The following TEX9 variants were observed in gnomAD, a reference collection of about 807,000 sequenced individuals.
TEX9 encodes the protein testis expressed 9, also known as testis-expressed protein 9.
In TEX9, 74 loss-of-function variants were observed where a neutral mutation model predicts 59.6. That is an observed-to-expected ratio of 1.24 (90% CI 1.03 to 1.51). The LOEUF is 1.51. TEX9 is among the 40% of genes most tolerant of loss of function. The pLI, the probability that TEX9 is intolerant of heterozygous loss-of-function variation, is 0.00. For missense variants in TEX9, 522 were observed against 447.8 expected (o/e 1.17, Z -1.49); for synonymous variants, 186 against 152.2 (o/e 1.22, Z -1.64).
chr15:56,308,691 C>T (rs1436639624), intron 1 of TEX9, among the ~76,000 whole-genome samples: 1 of 152,086 alleles, frequency 6.6e-6, no homozygotes, highest in Non-Finnish European at 1.5e-5. Flanking sequence ...TTAGCTCTTA[C>T]ATTTAGGCCT....
intron 10 of TEX9, among the ~76,000 whole-genome samples, chr15:56,413,006 T>A (rs2049440031): frequency 6.6e-6 from 1 of 152,062 alleles, no homozygotes; most frequent in African/African-American, 2.4e-5. Flanking sequence ...GTCTAGCCAA[T>A]GCTTGGCATA....
intron 3 of TEX9, among the ~76,000 whole-genome samples, chr15:56,378,740 G>A (rs2682042): frequency 0.032 from 4,764 of 151,182 alleles, 184 homozygotes; most frequent in East Asian, 0.095. Flanking sequence ...ACTAATTTTG[G>A]TTTGGTTTGT....
Position 56,389,417 on chromosome 15 carries a change from A to G in TEX9, c.395+17A>G. On this transcript the variant is annotated intron_variant, in intron 6 of 12. Coordinates refer to ENST00000352903, the Ensembl canonical transcript of TEX9. ...AAATTCAAGGTATAGTATAGTTTTCAAAGTATTTCTTTTTTTTTAGTTTTG... is the reference window on the plus strand; with the variant it reads ...AAATTCAAGGTATAGTATAGTTTTCGAAGTATTTCTTTTTTTTTAGTTTTG... 6.4e-7 allele frequency: 1 copy of G among 1,554,082 alleles called. No homozygotes were observed. The highest frequency in any genetic ancestry group is 8.8e-7 in the Non-Finnish European group (1 of 1,135,644).
intron 1 of TEX9, among the ~76,000 whole-genome samples, chr15:56,268,635 T>A (rs1036487689): frequency 7.2e-5 from 11 of 152,086 alleles, no homozygotes; most frequent in Non-Finnish European, 1.5e-4. Context: ...TTGTATTGAT[T>A]TGTGTATGTT....
rs8032063 is a variant in TEX9 at position 56,316,891 on chromosome 15, C to T, written c.-106-56550C>T. On this transcript the variant is annotated intron_variant, in intron 1 of 5. Transcript: ENST00000560827. The stretch of plus-strand genomic sequence containing the variant: ...AAGCCCGTCGGAAAAGCGCAGTATT[C>T]GGGTGGGAGTGACCCGATTTTCCAG... 2.0e-3 allele frequency among the ~76,000 whole-genome samples: 311 copies of T among 152,346 alleles called. 4 individuals carry two copies. Among genetic ancestry groups the T allele is most frequent in the African/African-American group, 6.7e-3 (279 of 41,580 alleles).
At chr15:56,434,319 A>C in intron 12 of TEX9, 1 of 1,613,746 alleles carries the variant, frequency 6.2e-7, no homozygotes, top group Non-Finnish European at 8.5e-7. Context: ...CTGTAGCACT[A>C]ATTCCTTCAA....
At chr15:56,324,809 G>C (rs2912185) in intron 1 of TEX9, among the ~76,000 whole-genome samples, 68,409 of 152,022 alleles carry the variant, frequency 0.45, 16,424 homozygotes, top group Non-Finnish European at 0.55. Context: ...ACTTGCTCTA[G>C]CATTTAAAAG....
At chr15:56,429,053 C>A (rs757535227) in intron 12 of TEX9, 17 of 1,214,652 alleles carry the variant, frequency 1.4e-5, no homozygotes, top group Non-Finnish European at 1.9e-5. Context: ...ATGCTGACAT[C>A]TAGTGGTAAC....
intron 1 of TEX9, among the ~76,000 whole-genome samples, chr15:56,305,691 C>T (rs1474975842): frequency 2.0e-5 from 3 of 152,096 alleles, no homozygotes; most frequent in South Asian, 2.1e-4. Context: ...ATTGGGAAAG[C>T]GCTCCAGGAC....
intron 1 of TEX9, among the ~76,000 whole-genome samples, chr15:56,273,216 G>T (rs1433508788): frequency 2.6e-5 from 4 of 152,074 alleles, no homozygotes; most frequent in Non-Finnish European, 5.9e-5. Context: ...GCCTCCAAAA[G>T]TACTGGGATT....
rs564949326 is a variant in TEX9, at chr15:56,275,901, G to T, written c.-107+31623G>T. On this transcript the variant is annotated intron_variant, in intron 1 of 5. Transcript: ENST00000560827. ...TTCAAAGAGGTTCTAACTGAGTATA[G>T]AACTCTATACTCAGTTTTATAGTTG... 1.3e-3 allele frequency among the ~76,000 whole-genome samples: 204 copies of T among 151,984 alleles called. 1 individual carries two copies. The highest frequency in any genetic ancestry group is 4.8e-3 in the African/African-American group (198 of 41,444).
intron 10 of TEX9, among the ~76,000 whole-genome samples, chr15:56,426,368 C>CTGCTT (rs2050243001): frequency 1.3e-5 from 2 of 151,754 alleles, no homozygotes; most frequent in African/African-American, 4.8e-5. Flanking sequence ...ACATTTCCTA[C>CTGCTT]TGCTTTGAAT....
chr15:56,273,328 G>T (rs1271090424), intron 1 of TEX9, among the ~76,000 whole-genome samples: 1 of 152,054 alleles, frequency 6.6e-6, no homozygotes, highest in Non-Finnish European at 1.5e-5. Context: ...GGTTGACATA[G>T]AATTTATAAT....
chr15:56,441,944 C>T (rs1596260431), intron 12 of TEX9, among the ~76,000 whole-genome samples: 6 of 152,020 alleles, frequency 3.9e-5, no homozygotes, highest in African/African-American at 9.7e-5. Context: ...GGCGTGAACC[C>T]GGGAGGCATA....
At chr15:56,372,188 A>C (rs2047219974) in intron 2 of TEX9, among the ~76,000 whole-genome samples, 1 of 152,190 alleles carries the variant, frequency 6.6e-6, no homozygotes, top group Admixed American at 6.5e-5. Flanking sequence ...AATTTGAAAA[A>C]TCAGGTAATG....
intron 1 of TEX9, among the ~76,000 whole-genome samples, chr15:56,254,488 C>T (rs1195090158): frequency 1.3e-5 from 2 of 151,562 alleles, no homozygotes; most frequent in East Asian, 3.9e-4. Flanking sequence ...TAGCAGTGGA[C>T]CCCAGGAGGC....
chr15:56,403,501 G>A (rs1201142420), intron 9 of TEX9, among the ~76,000 whole-genome samples: 1 of 152,162 alleles, frequency 6.6e-6, no homozygotes, highest in African/African-American at 2.4e-5. Flanking sequence ...CAAATGGAAG[G>A]ACATTCTGTA....
At chr15:56,404,056 C>G (rs1373808864) in intron 9 of TEX9, among the ~76,000 whole-genome samples, 1 of 152,224 alleles carries the variant, frequency 6.6e-6, no homozygotes, top group Non-Finnish European at 1.5e-5. Flanking sequence ...CAGTACCATT[C>G]AGGACATAGG....
At chr15:56,371,722 A>C (rs2047199769) in intron 2 of TEX9, among the ~76,000 whole-genome samples, 1 of 152,154 alleles carries the variant, frequency 6.6e-6, no homozygotes, top group Non-Finnish European at 1.5e-5. Flanking sequence ...GTTTTGATTG[A>C]TTCCACGTCA....
Sources: allele counts gnomAD v4.1 joint callset (sites outside exome capture counted in the v4.1 genomes callset), GRCh38; gene constraint gnomAD v4.1.1; transcripts MANE v1.5; gene names NCBI Gene and HGNC (gene_info 2026-07-23, HGNC 2026-07-21).